Variants in PDE1C observed in about 807,000 individuals in gnomAD.
PDE1C encodes phosphodiesterase 1C.
In PDE1C, 62 loss-of-function variants were observed where a neutral mutation model predicts 93.1. The ratio of observed to expected loss-of-function variants is 0.67; its 90% confidence interval spans 0.54 to 0.82. PDE1C has a LOEUF of 0.82. PDE1C is among the 40% of genes least tolerant of loss of function. The probability of loss-of-function intolerance (pLI) is 0.00; values close to 1 mark genes in which losing one functional copy is unlikely to be tolerated. For missense variants in PDE1C, 742 were observed against 884.6 expected (o/e 0.84, Z 2.04); for synonymous variants, 325 against 310.1 (o/e 1.05, Z -0.50).
chr7:32,105,065 A>G (rs546901093), intron 3 of PDE1C, among the ~76,000 whole-genome samples: 16 of 152,306 alleles, frequency 1.1e-4, no homozygotes, highest in African/African-American at 3.6e-4. Flanking sequence ...GGGTCAAACT[A>G]CAAAAGAAGA....
intron 17 of PDE1C, among the ~76,000 whole-genome samples, chr7:31,764,062 T>C (rs1794993352): frequency 1.3e-5 from 2 of 151,444 alleles, no homozygotes; most frequent in African/African-American, 4.8e-5. Flanking sequence ...GCTGAAACTA[T>C]GTGCCATTTT....
At chr7:31,854,266 C>G (rs574801854) in intron 7 of PDE1C, among the ~76,000 whole-genome samples, 19 of 152,232 alleles carry the variant, frequency 1.2e-4, no homozygotes, top group Admixed American at 1.2e-3. Context: ...GTGGGAGAAG[C>G]TATTTTGGAG....
chr7:31,629,537 A>G, the PDE1C span, among the ~76,000 whole-genome samples: 1 of 152,202 alleles, frequency 6.6e-6, no homozygotes, highest in Non-Finnish European at 1.5e-5. Context: ...AACAATTTTT[A>G]AGGTAGTATT....
Position 32,078,083 on chromosome 7 carries a change from T to A in PDE1C, c.308+91702A>T. On this transcript the variant is annotated intron_variant, in intron 3 of 18. Transcript: ENST00000396193. The stretch of plus-strand genomic sequence containing the variant: ...ATTGAAATTTTTGTTCACGTAAAAC[T>A]GCTGATGCTACAAGTCAGCCAAATT... 3 of 949,936 alleles carry A rather than the reference T, an allele frequency of 3.2e-6. No homozygotes were observed. The South Asian group carries it at 1.5e-4, about 46-fold the overall frequency. 58.8% of individuals were successfully genotyped at this position (949,936 alleles called of 1,614,324 possible). A position where few individuals can be genotyped will look rare whatever the true frequency, so the allele number is the denominator to read the frequency against.
At chr7:31,803,452 G>A (rs898456964) in intron 16 of PDE1C, among the ~76,000 whole-genome samples, 7 of 151,436 alleles carry the variant, frequency 4.6e-5, no homozygotes, top group African/African-American at 1.7e-4. Flanking sequence ...TGTGCACAAC[G>A]TGCAGGTTTG....
intron 2 of PDE1C, among the ~76,000 whole-genome samples, chr7:31,937,537 G>A (rs1285118310): frequency 1.3e-5 from 2 of 152,092 alleles, no homozygotes; most frequent in Non-Finnish European, 2.9e-5. Flanking sequence ...TAGTTCTTCA[G>A]GTTTCTTTGG....
At chr7:31,694,271 T>G in the PDE1C span, among the ~76,000 whole-genome samples, 1 of 152,072 alleles carries the variant, frequency 6.6e-6, no homozygotes, top group Non-Finnish European at 1.5e-5. Context: ...CTAAGTTTAG[T>G]GGAAGGTTAG....
At chr7:31,971,528 C>G (rs111675346) in intron 2 of PDE1C, among the ~76,000 whole-genome samples, 5 of 152,304 alleles carry the variant, frequency 3.3e-5, no homozygotes, top group African/African-American at 1.2e-4. Context: ...AAGAATCCAA[C>G]AGATGACAGC....
intron 2 of PDE1C, among the ~76,000 whole-genome samples, chr7:32,042,363 C>G (rs958353102): frequency 1.3e-5 from 2 of 152,132 alleles, no homozygotes; most frequent in Non-Finnish European, 2.9e-5. Context: ...AGAAAGAACT[C>G]AAGAAACTTT....
intron 3 of PDE1C, among the ~76,000 whole-genome samples, chr7:32,103,811 T>G (rs1256861685): frequency 6.6e-6 from 1 of 152,108 alleles, no homozygotes; most frequent in Non-Finnish European, 1.5e-5. Flanking sequence ...AAAGAGTAAC[T>G]GATATCTACA....
At chr7:31,658,459 T>C in the PDE1C span, 4 of 1,360,968 alleles carry the variant, frequency 2.9e-6, no homozygotes, top group East Asian at 1.0e-4. Flanking sequence ...AAATAGAACA[T>C]TTGTAAAGAG....
At chr7:32,159,367 G>A (rs561278059) in intron 3 of PDE1C, among the ~76,000 whole-genome samples, 181 of 152,262 alleles carry the variant, frequency 1.2e-3, no homozygotes, top group African/African-American at 4.3e-3. Context: ...TTATCATAAG[G>A]TAATGAATCA....
At chr7:31,699,637 G>T in the PDE1C span, among the ~76,000 whole-genome samples, 1 of 151,472 alleles carries the variant, frequency 6.6e-6, no homozygotes, top group Non-Finnish European at 1.5e-5. Context: ...TTCAGATATT[G>T]GTGGTTTTTT....
the PDE1C span, among the ~76,000 whole-genome samples, chr7:31,666,353 C>A: frequency 6.6e-6 from 1 of 152,146 alleles, no homozygotes; most frequent in African/African-American, 2.4e-5. Flanking sequence ...ATAAGCAAAC[C>A]TTTCTCATAC....
At chr7:32,145,727 ATTTAT>A (rs1800795118) in intron 3 of PDE1C, among the ~76,000 whole-genome samples, 1 of 151,920 alleles carries the variant, frequency 6.6e-6, no homozygotes, top group African/African-American at 2.4e-5. Flanking sequence ...ATCTACCTCT[ATTTAT>A]TTTATTTTCA....
intron 2 of PDE1C, among the ~76,000 whole-genome samples, chr7:31,908,600 C>T (rs775102725): frequency 6.6e-6 from 1 of 152,196 alleles, no homozygotes; most frequent in Non-Finnish European, 1.5e-5. Flanking sequence ...CTGATAACCT[C>T]ATTTAGTCCA....
chr7:32,022,857 T>C (rs888323372), intron 2 of PDE1C, among the ~76,000 whole-genome samples: 2 of 152,106 alleles, frequency 1.3e-5, no homozygotes, highest in African/African-American at 2.4e-5. Flanking sequence ...TGTCACTTTA[T>C]TTTAATCCCA....
intron 2 of PDE1C, among the ~76,000 whole-genome samples, chr7:31,966,828 T>C (rs1444615643): frequency 1.3e-5 from 2 of 152,092 alleles, no homozygotes; most frequent in South Asian, 2.1e-4. Flanking sequence ...CTCAACTACA[T>C]GGAAACTGAA....
the PDE1C span, among the ~76,000 whole-genome samples, chr7:31,620,334 G>A: frequency 3.3e-5 from 5 of 152,080 alleles, no homozygotes; most frequent in Non-Finnish European, 7.4e-5. Flanking sequence ...CCTGACCCCT[G>A]AGCAGCCTAA....
Sources: allele counts gnomAD v4.1 joint callset (sites outside exome capture counted in the v4.1 genomes callset), GRCh38; gene constraint gnomAD v4.1.1; transcripts MANE v1.5; gene names NCBI Gene and HGNC (gene_info 2026-07-23, HGNC 2026-07-21).